The following BCAR3 variants were observed in gnomAD, a reference collection of about 807,000 sequenced individuals.
BCAR3 encodes the protein BCAR3 adaptor protein, NSP family member.
Under a neutral mutation model 80.1 loss-of-function variants are expected in BCAR3, and 37 were observed. That is an observed-to-expected ratio of 0.46 (90% CI 0.36 to 0.61). BCAR3 has a LOEUF of 0.61. Ranked by LOEUF, BCAR3 falls within the 20% of genes least tolerant of loss-of-function variation. BCAR3 has a pLI of 0.00. For synonymous variants in BCAR3, 389 were observed against 418.9 expected (o/e 0.93, Z 0.87); for missense variants, 978 against 1,068.2 (o/e 0.92, Z 1.18).
chr1:93,613,210 G>A (rs188546768), intron 3 of BCAR3, among the ~76,000 whole-genome samples: 6 of 152,302 alleles, frequency 3.9e-5, no homozygotes, highest in South Asian at 2.1e-4. Context: ...TTCCTAGTGC[G>A]TCACAGGCAG....
intron 3 of BCAR3, among the ~76,000 whole-genome samples, chr1:93,690,844 C>T (rs1484250774): frequency 2.0e-5 from 3 of 152,116 alleles, no homozygotes; most frequent in Non-Finnish European, 4.4e-5. Flanking sequence ...AATGTATATT[C>T]GTTTTCTAGG....
chr1:93,628,658 A>G (rs1198319728), intron 3 of BCAR3, among the ~76,000 whole-genome samples: 1 of 152,152 alleles, frequency 6.6e-6, no homozygotes, highest in African/African-American at 2.4e-5. Context: ...CCTATCTAAA[A>G]TTTAATGTCC....
chr1:93,585,104 T>TA, intron 5 of BCAR3: 1 of 985,394 alleles, frequency 1.0e-6, no homozygotes, highest in East Asian at 1.1e-4. Flanking sequence ...CGAGAAGTGA[T>TA]ATTTAAGCAG....
chr1:93,589,393 A>T lies in BCAR3; in HGVS notation c.513T>A (p.Asp171Glu). ...RQVSENLVQR[D>E]GDFLVRDSLS... ...GAGAGTCACGAACTAGGAAGTCACC[A>T]TCTCGCTGCACAAGGTTTTCAGACA... The change falls in exon 5 of 12, where the codon GAT (aspartate) becomes GAA (glutamate). Residue 171 changes from aspartate to glutamate, a missense_variant. By Grantham distance (45) the Asp-to-Glu change is conservative. Coordinates refer to ENST00000260502, the MANE Select transcript of BCAR3 (RefSeq NM_003567.4). 6.2e-7 allele frequency: 1 copy of T among 1,612,758 alleles called. No individual in the cohort carries two copies. The highest frequency in any genetic ancestry group is 8.5e-7 in the Non-Finnish European group (1 of 1,179,942).
At chr1:93,735,518 C>A (rs997658602) in intron 2 of BCAR3, among the ~76,000 whole-genome samples, 6 of 152,208 alleles carry the variant, frequency 3.9e-5, no homozygotes, top group African/African-American at 1.4e-4. Context: ...TGAAATAGAA[C>A]ATATATAACC....
At chr1:93,786,243 C>G (rs1019749653) in intron 2 of BCAR3, among the ~76,000 whole-genome samples, 2 of 149,318 alleles carry the variant, frequency 1.3e-5, no homozygotes, top group Non-Finnish European at 3.0e-5. Context: ...CTGCCTTGCT[C>G]CCTGGGAATG....
At chr1:93,678,592 C>T (rs566543231) in intron 1 of BCAR3, among the ~76,000 whole-genome samples, 2 of 152,284 alleles carry the variant, frequency 1.3e-5, no homozygotes, top group South Asian at 2.1e-4. Context: ...TAGACAAGCT[C>T]CTGCTCTCAT....
chr1:93,810,491 C>T (rs1167704777), intron 2 of BCAR3, among the ~76,000 whole-genome samples: 1 of 152,166 alleles, frequency 6.6e-6, no homozygotes, highest in Non-Finnish European at 1.5e-5. Context: ...CATCAGCACA[C>T]TCTGATGCCA....
chr1:93,666,632 C>T (rs552395643), intron 2 of BCAR3, among the ~76,000 whole-genome samples: 2 of 152,282 alleles, frequency 1.3e-5, no homozygotes, highest in Admixed American at 6.5e-5. Flanking sequence ...CTAATAAATA[C>T]GCATCGAAGA....
In BCAR3 at chr1:93,674,880, G is replaced by T. The variant is rs756756546; in HGVS notation, c.51C>A (p.His17Gln). The T allele has an allele frequency of 1.3e-6, 2 of 1,575,822 alleles. No individual in the cohort carries two copies. Among genetic ancestry groups the T allele is most frequent in the Non-Finnish European group, 1.7e-6 (2 of 1,167,044 alleles). The change falls in exon 2 of 12, where the codon CAC (histidine) becomes CAA (glutamine). Residue 17 changes from histidine (H) to glutamine (Q), a missense_variant. Coordinates refer to ENST00000260502, the MANE Select transcript of BCAR3 (RefSeq NM_003567.4). ...ASLPRNMPVN[H>Q]QFPLASSMDL... Reference sequence around the variant, plus strand: ...CCATGGATGAGGCCAGGGGGAACTGGTGATTCACCGGCATGTTTCTGGGAA... The same window carrying T: ...CCATGGATGAGGCCAGGGGGAACTGTTGATTCACCGGCATGTTTCTGGGAA...
At chr1:93,581,658 AG>A (rs1296965318) in intron 7 of BCAR3, among the ~76,000 whole-genome samples, 6 of 152,124 alleles carry the variant, frequency 3.9e-5, no homozygotes, top group Non-Finnish European at 8.8e-5. Context: ...TCCACCGCCT[AG>A]GCCTCCCCAA....
chr1:93,622,353 T>C (rs1260508859), intron 3 of BCAR3, among the ~76,000 whole-genome samples: 5 of 152,210 alleles, frequency 3.3e-5, no homozygotes, highest in Admixed American at 6.5e-5. Flanking sequence ...GCTGGCTCTA[T>C]CTGGTGTGAT....
chr1:93,813,013 A>T (rs1653899871), intron 2 of BCAR3, among the ~76,000 whole-genome samples: 1 of 151,908 alleles, frequency 6.6e-6, no homozygotes, highest in Non-Finnish European at 1.5e-5. Context: ...CAGCAGTCTT[A>T]CCTTTTGGAA....
chr1:93,600,108 C>CCA (rs1674573404), intron 3 of BCAR3, among the ~76,000 whole-genome samples: 1 of 152,230 alleles, frequency 6.6e-6, no homozygotes, highest in African/African-American at 2.4e-5. Flanking sequence ...TCCTCTCCCA[C>CCA]CACACACACA....
At chr1:93,678,508 A>G (rs2101952088) in intron 1 of BCAR3, among the ~76,000 whole-genome samples, 1 of 152,304 alleles carries the variant, frequency 6.6e-6, no homozygotes, top group East Asian at 1.9e-4. Flanking sequence ...TTTTCTAGAT[A>G]AGGGAAATAA....
intron 3 of BCAR3, among the ~76,000 whole-genome samples, chr1:93,624,375 A>G (rs1163485686): frequency 2.0e-5 from 3 of 152,198 alleles, no homozygotes; most frequent in East Asian, 1.9e-4. Flanking sequence ...CGTTTACATC[A>G]TCTCCAAATC....
chr1:93,605,835 G>A (rs530919035), intron 3 of BCAR3, among the ~76,000 whole-genome samples: 15 of 152,294 alleles, frequency 9.8e-5, no homozygotes, highest in Middle Eastern at 6.8e-3. Flanking sequence ...AAAATGCACC[G>A]TAGTTGAAAG....
At chr1:93,798,140 CA>C (rs1653344809) in intron 2 of BCAR3, among the ~76,000 whole-genome samples, 3 of 152,146 alleles carry the variant, frequency 2.0e-5, no homozygotes, top group Admixed American at 1.3e-4. Flanking sequence ...AGTTCATGGA[CA>C]TGCTGTAATA....
intron 2 of BCAR3, chr1:93,845,502 A>ATATATATATATATCTCTCATGTTGTCAAG: frequency 8.8e-6 from 1 of 113,826 alleles, no homozygotes; most frequent in South Asian, 2.7e-4. Context: ...ATATATATAT[A>ATATATATATATATCTCTCATGTTGTCAAG]AAACTTTGTT....
Sources: gnomAD v4.1 joint callset for allele counts (sites outside exome capture counted in the v4.1 genomes callset) on GRCh38, gnomAD v4.1.1 for gene constraint, MANE v1.5 for transcripts, NCBI Gene and HGNC (gene_info 2026-07-23, HGNC 2026-07-21) for gene names.